Variants in MGAM2 observed in about 807,000 individuals in gnomAD.
MGAM2 encodes the protein probable maltase-glucoamylase 2.
MGAM2 carries 98 observed loss-of-function variants against 96.1 expected under a neutral mutation model. The ratio of observed to expected loss-of-function variants is 1.02; its 90% CI spans 0.87 to 1.21. The LOEUF (loss-of-function observed/expected upper bound fraction) is 1.21, where lower values mean the gene tolerates loss of function less well. MGAM2 is among the 50% of genes most tolerant of loss of function. The pLI, the probability that MGAM2 is intolerant of heterozygous loss-of-function variation, is 0.00. For missense variants in MGAM2, 2,055 were observed against 1,182.4 expected, an observed-to-expected ratio of 1.74 and a Z score of -10.82; for synonymous variants, 749 against 414.8, an observed-to-expected ratio of 1.81 and a Z score of -9.79.
chr7:142,146,142 G>GTTTTTTTTTTTTTTTTTT (rs71166565), intron 14 of MGAM2, among the ~76,000 whole-genome samples: 4 of 108,964 alleles, frequency 3.7e-5, no homozygotes, highest in Admixed American at 9.6e-5. Context: ...AGTTTATCAT[G>GTTTTTTTTTTTTTTTTTT]TTTTTTTTTT....
intron 46 of MGAM2, among the ~76,000 whole-genome samples, chr7:142,211,968 G>T (rs997871555): frequency 6.6e-6 from 1 of 152,186 alleles, no homozygotes; most frequent in African/African-American, 2.4e-5. Context: ...ACAAAGGGAA[G>T]CCCATCAGAC....
chr7:142,152,510 T>G (rs1795610548), intron 15 of MGAM2, among the ~76,000 whole-genome samples: 1 of 152,216 alleles, frequency 6.6e-6, no homozygotes, highest in Admixed American at 6.5e-5. Flanking sequence ...TTCTCCCTTT[T>G]GCCATTATAA....
intron 17 of MGAM2, among the ~76,000 whole-genome samples, chr7:142,157,460 C>T (rs973398650): frequency 1.3e-5 from 2 of 151,140 alleles, no homozygotes. Context: ...GGCACGATCT[C>T]AGCTCACTGC....
intron 26 of MGAM2, among the ~76,000 whole-genome samples, chr7:142,168,887 C>G (rs760688989): frequency 6.6e-6 from 1 of 152,172 alleles, no homozygotes; most frequent in South Asian, 2.1e-4. Context: ...TAGTGAATCT[C>G]AATTCAGACT....
chr7:142,182,995 C>T lies in MGAM2; in HGVS notation c.3817-271C>T, dbSNP rs190302161. On this transcript the variant is annotated intron_variant, in intron 32 of 47. Transcript: ENST00000477922. ...AGAAAGGCTCCTTCATTTGTTGGCA[C>T]AGATTCTTATACCCTTTGAAAGAGA... is the stretch of plus-strand genomic sequence containing the variant. 1.2e-3 allele frequency among the ~76,000 whole-genome samples: 190 copies of T among 152,244 alleles called. 1 individual carries two copies. The highest frequency in any genetic ancestry group is 2.4e-3 in the Non-Finnish European group (161 of 68,018).
At chr7:142,197,846 T>G in intron 42 of MGAM2, 118 bp downstream of exon 42, 1 of 664,720 alleles carries the variant, frequency 1.5e-6, no homozygotes, top group Non-Finnish European at 2.7e-6. Flanking sequence ...AATGCCTTTC[T>G]AGAACATCTA....
chr7:142,176,329 G>A (rs2078367279), intron 32 of MGAM2, among the ~76,000 whole-genome samples: 1 of 152,102 alleles, frequency 6.6e-6, no homozygotes, highest in Admixed American at 6.6e-5. Context: ...CAAATGCAGA[G>A]GCAATTACCT....
At chr7:142,190,314 C>A (rs1257636027) in intron 37 of MGAM2, among the ~76,000 whole-genome samples, 1 of 147,082 alleles carries the variant, frequency 6.8e-6, no homozygotes, top group South Asian at 2.2e-4. Flanking sequence ...CTCTGTCGCC[C>A]AGGCTGGAGT....
rs1468591534 is a variant in MGAM2 at position 142,154,770 on chromosome 7, G to C, written c.1848G>C (p.Glu616Asp). Residue 616 changes from glutamate (E) to aspartate (D), a missense_variant, in exon 17 of 48, where the codon GAG (glutamate) becomes GAC (aspartate). Physicochemically the swap from Glu to Asp is conservative, Grantham distance 45 (BLOSUM62 2). Coordinates refer to ENST00000477922, the MANE Select transcript of MGAM2 (RefSeq NM_001293626.2). ...NICGYNNNVT[E>D]ELCRRWMQLG... The stretch of plus-strand genomic sequence containing the variant: ...GTGGTTATAACAACAATGTCACAGA[G>C]GAGCTCTGCAGAAGGTGGATGCAGC... 1 of 703,432 alleles carries C rather than the reference G, an allele frequency of 1.4e-6. No homozygotes were observed. Among genetic ancestry groups the C allele is most frequent in the South Asian group, 1.5e-5 (1 of 67,604 alleles). The allele number at this position is 703,432 out of a possible 1,614,324, so 43.6% of individuals were successfully genotyped here.
chr7:142,179,940 C>T (rs560979137), intron 32 of MGAM2, among the ~76,000 whole-genome samples: 1 of 152,122 alleles, frequency 6.6e-6, no homozygotes, highest in East Asian at 1.9e-4. Flanking sequence ...TTGGAACCAG[C>T]TCTTTGTACA....
At chr7:142,132,429 TTAA>T (rs1189110142) in intron 6 of MGAM2, among the ~76,000 whole-genome samples, 1 of 139,452 alleles carries the variant, frequency 7.2e-6, no homozygotes, top group Non-Finnish European at 1.5e-5. Flanking sequence ...ATTATTACTA[TTAA>T]TATAATTAAT....
At chr7:142,174,451 T>C (rs764636418) in intron 31 of MGAM2, among the ~76,000 whole-genome samples, 5 of 152,046 alleles carry the variant, frequency 3.3e-5, no homozygotes, top group African/African-American at 7.2e-5. Context: ...GGGAGTTCAT[T>C]TGTGGTTTGG....
In MGAM2 at chr7:142,159,251, G is replaced by A. The variant is rs771979774; in HGVS notation, c.2164-36G>A. 3 of 700,590 alleles carry A rather than the reference G, an allele frequency of 4.3e-6. No individual in the cohort carries two copies. In the South Asian group the frequency reaches 4.4e-5, roughly 10 times the overall value. 43.4% of individuals were successfully genotyped at this position (700,590 alleles called of 1,614,324 possible). ...GGTGTTTTGTAAACTGTAGAGAGGG[G>A]TATGCTAATGCTACTCATTATTGTT... On this transcript the variant is annotated intron_variant, in intron 19 of 47. Transcript: ENST00000477922.
chr7:142,165,073 G>A, intron 24 of MGAM2, 50 bp downstream of exon 24: 1 of 633,168 alleles, frequency 1.6e-6, no homozygotes, highest in South Asian at 1.9e-5. Context: ...CCTTGGCTCT[G>A]ACAGCCAGCC....
At chr7:142,183,219 T>C (rs903791364) in intron 32 of MGAM2, 47 bp from the exon 33 acceptor site, 2 of 675,554 alleles carry the variant, frequency 3.0e-6, no homozygotes, top group African/African-American at 1.8e-5. Context: ...GAAATTTTCT[T>C]AGAGATGTTT....
At chr7:142,181,415 T>A (rs1258836107) in intron 32 of MGAM2, among the ~76,000 whole-genome samples, 1 of 152,140 alleles carries the variant, frequency 6.6e-6, no homozygotes, top group Non-Finnish European at 1.5e-5. Context: ...AGATGGTGTT[T>A]AAGAGTAAGG....
At chr7:142,188,601 CCTT>C (rs1257020728) in intron 36 of MGAM2, among the ~76,000 whole-genome samples, 2 of 152,170 alleles carry the variant, frequency 1.3e-5, no homozygotes, top group Non-Finnish European at 2.9e-5. Flanking sequence ...TTCATTTTCT[CCTT>C]CATTAATTTA....
intron 6 of MGAM2, among the ~76,000 whole-genome samples, chr7:142,132,706 A>G (rs1794931616): frequency 7.9e-6 from 1 of 126,478 alleles, no homozygotes; most frequent in Non-Finnish European, 1.5e-5. Flanking sequence ...ATTAATTAAT[A>G]TAATTAATAT....
intron 37 of MGAM2, among the ~76,000 whole-genome samples, chr7:142,195,099 G>C (rs1258028369): frequency 6.6e-6 from 1 of 152,094 alleles, no homozygotes; most frequent in Non-Finnish European, 1.5e-5. Context: ...CCAAAATGCT[G>C]TAGCTTTTAT....
Sources: gnomAD v4.1 joint callset for allele counts (sites outside exome capture counted in the v4.1 genomes callset) on GRCh38, gnomAD v4.1.1 for gene constraint, MANE v1.5 for transcripts, NCBI Gene and HGNC (gene_info 2026-07-23, HGNC 2026-07-21) for gene names.